Variants in MPP7 observed in about 807,000 individuals in gnomAD.
MPP7 encodes the protein MAGUK p55 subfamily member 7.
MPP7 carries 60 observed loss-of-function variants against 76.5 expected under a neutral mutation model. The ratio of observed to expected loss-of-function variants is 0.78; its 90% CI spans 0.64 to 0.97. The LOEUF (loss-of-function observed/expected upper bound fraction) is 0.97. MPP7 is among the 50% of genes least tolerant of loss of function. The pLI is 0.00. For synonymous variants in MPP7, 237 were observed against 244.5 expected, an observed-to-expected ratio of 0.97 and a Z score of 0.29; for missense variants, 641 against 694.0, an observed-to-expected ratio of 0.92 and a Z score of 0.86.
intron 1 of MPP7, among the ~76,000 whole-genome samples, chr10:28,281,199 A>AC (rs1014609295): frequency 1.3e-5 from 2 of 151,546 alleles, no homozygotes; most frequent in African/African-American, 2.4e-5. Flanking sequence ...CCTGCCTCAG[A>AC]CCCCCAAGTA....
rs773044522 is a variant in MPP7, at chr10:28,131,633, G to C, written c.374C>G (p.Pro125Arg). The C allele has an allele frequency of 1.9e-6, 3 of 1,606,740 alleles. No individual in the cohort carries two copies. Among genetic ancestry groups the C allele is most frequent in the Non-Finnish European group, 2.6e-6 (3 of 1,175,566 alleles). Residue 125 changes from proline (P) to arginine (R), a missense_variant, in exon 6 of 17, where the codon CCT becomes CGT. Physicochemically the swap from Pro to Arg is moderately radical, Grantham distance 103 (BLOSUM62 -2). Coordinates refer to ENST00000683449, the MANE Select transcript of MPP7 (RefSeq NM_001318170.2). ...AQKNYDPVLP[P>R]MPEDIDDEED... ...CTCATCGTCAATATCTTCAGGCATA[G>C]GAGGCAACACTGGGTCGTAATTCTT...
At chr10:28,089,080 G>C (rs986971070) in intron 12 of MPP7, among the ~76,000 whole-genome samples, 2 of 152,010 alleles carry the variant, frequency 1.3e-5, no homozygotes, top group Non-Finnish European at 2.9e-5. Flanking sequence ...TCAATGTAGA[G>C]ATGGGGCTTC....
intron 2 of MPP7, among the ~76,000 whole-genome samples, chr10:28,321,310 A>C (rs1834367630): frequency 6.6e-6 from 1 of 152,218 alleles, no homozygotes; most frequent in African/African-American, 2.4e-5. Flanking sequence ...CAAACATCTA[A>C]ATTGTTCCAT....
chr10:28,059,802 C>A (rs1203491411), intron 13 of MPP7, 59 bp from the exon 14 acceptor site: 36 of 1,144,826 alleles, frequency 3.1e-5, no homozygotes, highest in Non-Finnish European at 4.2e-5. Flanking sequence ...AAGGAAAATA[C>A]TAAAAAAGAA....
chr10:28,318,201 T>C (rs1564771582), intron 2 of MPP7, among the ~76,000 whole-genome samples: 2 of 152,204 alleles, frequency 1.3e-5, no homozygotes, highest in Non-Finnish European at 2.9e-5. Context: ...GACTGATCTA[T>C]AATTGCAATT....
chr10:28,247,244 T>C (rs1456560038), intron 1 of MPP7, among the ~76,000 whole-genome samples: 1 of 152,228 alleles, frequency 6.6e-6, no homozygotes, highest in Non-Finnish European at 1.5e-5. Context: ...ATGTGTTTAC[T>C]GACAACAGAC....
intron 3 of MPP7, among the ~76,000 whole-genome samples, chr10:28,193,984 A>T (rs1837497896): frequency 6.6e-6 from 1 of 152,048 alleles, no homozygotes; most frequent in Non-Finnish European, 1.5e-5. Flanking sequence ...GTCACCTTAA[A>T]AGACAATATG....
At chr10:28,250,650 G>A (rs1588982280) in intron 1 of MPP7, among the ~76,000 whole-genome samples, 1 of 152,186 alleles carries the variant, frequency 6.6e-6, no homozygotes, top group African/African-American at 2.4e-5. Context: ...CTTAAATTGA[G>A]ACATGCTCTT....
intron 12 of MPP7, among the ~76,000 whole-genome samples, chr10:28,079,035 T>A (rs1852633816): frequency 6.6e-6 from 1 of 152,182 alleles, no homozygotes; most frequent in African/African-American, 2.4e-5. Context: ...AAGGTAGACA[T>A]ACATGACACC....
At chr10:28,227,567 T>C (rs748526438) in intron 2 of MPP7, among the ~76,000 whole-genome samples, 1 of 152,082 alleles carries the variant, frequency 6.6e-6, no homozygotes, top group Non-Finnish European at 1.5e-5. Context: ...ACATGCAGTG[T>C]TTGGCTTTCT....
At chr10:28,086,334 G>C (rs942028654) in intron 12 of MPP7, among the ~76,000 whole-genome samples, 2 of 151,870 alleles carry the variant, frequency 1.3e-5, no homozygotes, top group Admixed American at 6.6e-5. Flanking sequence ...AACAATGAAA[G>C]AAAAAAAGCA....
At chr10:28,112,921 A>G (rs920638168) in intron 11 of MPP7, among the ~76,000 whole-genome samples, 1 of 152,296 alleles carries the variant, frequency 6.6e-6, no homozygotes, top group African/African-American at 2.4e-5. Flanking sequence ...TAACTTTCTC[A>G]TATCAGAAAC....
intron 2 of MPP7, among the ~76,000 whole-genome samples, chr10:28,325,042 G>A (rs1834399069): frequency 6.6e-6 from 1 of 152,102 alleles, no homozygotes; most frequent in African/African-American, 2.4e-5. Context: ...ACAGACACAT[G>A]CCACTTTACC....
chr10:28,163,805 G>A (rs1019006165), intron 3 of MPP7, among the ~76,000 whole-genome samples: 23 of 151,676 alleles, frequency 1.5e-4, no homozygotes, highest in African/African-American at 4.8e-4. Flanking sequence ...AAAATTAGCC[G>A]GGCGTGATGG....
chr10:28,220,357 T>C (rs1838459446), intron 2 of MPP7, among the ~76,000 whole-genome samples: 2 of 152,190 alleles, frequency 1.3e-5, no homozygotes, highest in Non-Finnish European at 2.9e-5. Flanking sequence ...TCATAAATTA[T>C]GGCCTATAAC....
Position 28,056,570 on chromosome 10 carries a change from C to T in MPP7, c.1461G>A (p.Lys487=). The change falls in exon 16 of 17, where the codon AAG becomes AAA. Residue 487 remains lysine, a synonymous_variant. Transcript: ENST00000683449. ...LEFKPYVIFI[K]PPSIERLRET... ...CTCTCAAACGCTCTATTGATGGAGG[C>T]TTTATAAATATCACATAGGGCTTAA... The T allele has an allele frequency of 6.2e-7, 1 of 1,610,392 alleles. No individual in the cohort carries two copies. Among genetic ancestry groups the T allele is most frequent in the African/African-American group, 1.3e-5 (1 of 74,684 alleles).
chr10:28,310,020 T>TTTTTA (rs57172078), intron 2 of MPP7, among the ~76,000 whole-genome samples: 3,375 of 144,116 alleles, frequency 0.023, 139 homozygotes, highest in African/African-American at 0.078. Flanking sequence ...TTTTTTTTTT[T>TTTTTA]AAACGGAGTC....
chr10:28,262,274 TATA>T (rs1226504015), intron 1 of MPP7, among the ~76,000 whole-genome samples: 1,540 of 67,024 alleles, frequency 0.023, 314 homozygotes, highest in Non-Finnish European at 0.031. Flanking sequence ...TATATATATA[TATA>T]TTTTTTTTTT....
At chr10:28,057,795 T>C (rs1457117338) in intron 15 of MPP7, 1 of 1,287,184 alleles carries the variant, frequency 7.8e-7, no homozygotes, top group Admixed American at 2.3e-5. Context: ...ATTCTAGCAT[T>C]TGGAGGTTTT....
Sources: gnomAD v4.1 joint callset for allele counts (sites outside exome capture counted in the v4.1 genomes callset) on GRCh38, gnomAD v4.1.1 for gene constraint, MANE v1.5 for transcripts, NCBI Gene and HGNC (gene_info 2026-07-23, HGNC 2026-07-21) for gene names.